GCNT2: variants seen among roughly 807,000 people sequenced by gnomAD.
GCNT2 encodes the protein N-acetyllactosaminide beta-1,6-N-acetylglucosaminyl-transferase.
A neutral mutation model predicts 34.2 loss-of-function variants in GCNT2; 34 were observed. The ratio of observed to expected loss-of-function variants is 1.00; its 90% CI spans 0.76 to 1.32. GCNT2 has a LOEUF of 1.32. Among genes scored for constraint, GCNT2 ranks in the 40% most tolerant of loss-of-function variants. GCNT2 has a pLI of 0.00. For missense variants in GCNT2, 584 were observed against 489.4 expected, an observed-to-expected ratio of 1.19 and a Z score of -1.82; for synonymous variants, 212 against 188.0, an observed-to-expected ratio of 1.13 and a Z score of -1.04.
At chr6:10,598,091 A>G (rs1764936003) in intron 3 of GCNT2, among the ~76,000 whole-genome samples, 1 of 152,112 alleles carries the variant, frequency 6.6e-6, no homozygotes, top group South Asian at 2.1e-4. Context: ...AAAATGAGGA[A>G]ATTGGGCTAG....
chr6:10,525,625 A>T lies in GCNT2; in HGVS notation c.-468-1849A>T, dbSNP rs1418369446. Among the ~76,000 whole-genome samples, 11 of 152,304 alleles carry T rather than the reference A, an allele frequency of 7.2e-5. No individual in the cohort carries two copies. The East Asian group carries it at 2.1e-3, about 29-fold the overall frequency. Reference sequence around the variant, plus strand: ...GCTGGCACTGGGTTGATGAAAAAGGAAATAGGTTCATATTAATTCTTTTTT... The same window carrying T: ...GCTGGCACTGGGTTGATGAAAAAGGTAATAGGTTCATATTAATTCTTTTTT... On this transcript the variant is annotated intron_variant, in intron 1 of 4. Transcript: ENST00000495262.
At chr6:10,537,802 T>C (rs183803982) in intron 3 of GCNT2, among the ~76,000 whole-genome samples, 158 of 151,464 alleles carry the variant, frequency 1.0e-3, no homozygotes, top group African/African-American at 3.5e-3. Context: ...CTAGCCTCCC[T>C]TAAACATGCT....
At chr6:10,605,687 A>T (rs1765277249) in intron 3 of GCNT2, among the ~76,000 whole-genome samples, 1 of 152,128 alleles carries the variant, frequency 6.6e-6, no homozygotes, top group Admixed American at 6.5e-5. Flanking sequence ...CAGGGATAAA[A>T]ACCGAAGAAT....
chr6:10,557,462 C>T (rs1360226239), intron 3 of GCNT2: 1 of 771,324 alleles, frequency 1.3e-6, no homozygotes, highest in Admixed American at 2.2e-5. Context: ...ATAGTTCTCA[C>T]CCTAGTCCTT....
chr6:10,549,056 G>A (rs948753072), intron 3 of GCNT2, among the ~76,000 whole-genome samples: 4 of 152,238 alleles, frequency 2.6e-5, no homozygotes, highest in South Asian at 2.1e-4. Context: ...CGCGCCCAGC[G>A]TGAAGACATT....
In GCNT2 at chr6:10,626,553, CG is replaced by C; in HGVS notation, c.1156del (p.Glu386LysfsTer25). The C allele has an allele frequency of 1.2e-6, 2 of 1,613,776 alleles. No individual in the cohort carries two copies. The highest frequency in any genetic ancestry group is 1.7e-6 in the Non-Finnish European group (2 of 1,179,712). ...TVECLELRHR[E>X]RTLNQSETAI... ...TGGAATGCCTAGAACTGAGGCATCGCGAAAGAACCCTCAATCAGAGTGAAAC... is the reference window on the plus strand; with the variant it reads ...TGGAATGCCTAGAACTGAGGCATCGCAAAGAACCCTCAATCAGAGTGAAAC... On this transcript the variant is annotated frameshift_variant, in exon 5 of 5. Transcript: ENST00000495262. LOFTEE classifies it high-confidence loss of function.
chr6:10,594,992 T>A (rs1764791325), intron 3 of GCNT2, among the ~76,000 whole-genome samples: 1 of 151,880 alleles, frequency 6.6e-6, no homozygotes, highest in African/African-American at 2.4e-5. Context: ...ACTATAAGCC[T>A]GCCTCACCAT....
intron 3 of GCNT2, chr6:10,586,477 G>T (rs770073300): frequency 6.2e-7 from 1 of 1,614,136 alleles, no homozygotes; most frequent in South Asian, 1.1e-5. Flanking sequence ...GTTTATGCAG[G>T]CATTTCCAGA....
intron 3 of GCNT2, among the ~76,000 whole-genome samples, chr6:10,562,243 C>A (rs1245026593): frequency 1.3e-5 from 2 of 152,144 alleles, no homozygotes; most frequent in Admixed American, 1.3e-4. Flanking sequence ...CGAGATGGTC[C>A]CCCTATCTCT....
intron 3 of GCNT2, among the ~76,000 whole-genome samples, chr6:10,546,215 C>G (rs944827024): frequency 2.0e-5 from 3 of 152,174 alleles, no homozygotes; most frequent in Non-Finnish European, 4.4e-5. Context: ...CCAGATACCT[C>G]TGGCTGAGAG....
intron 3 of GCNT2, among the ~76,000 whole-genome samples, chr6:10,599,751 T>C (rs1765019416): frequency 6.6e-6 from 1 of 152,204 alleles, no homozygotes; most frequent in African/African-American, 2.4e-5. Flanking sequence ...GCTAATCTCA[T>C]GGTGGCAAAG....
At chr6:10,570,957 C>G (rs1174471328) in intron 3 of GCNT2, among the ~76,000 whole-genome samples, 2 of 152,208 alleles carry the variant, frequency 1.3e-5, no homozygotes, top group African/African-American at 4.8e-5. Context: ...GGTACTCAGT[C>G]TAAACCAAGC....
rs1761692824 is a variant in GCNT2 at position 10,535,010 on chromosome 6, C to G, written c.925+5174C>G. On this transcript the variant is annotated intron_variant, in intron 3 of 4. Transcript: ENST00000495262. ...GCTAGCCTGGCCAACATGATGAAACCCCGTTTCTACTAAAAATGCAAAAAT... is the reference window on the plus strand; with the variant it reads ...GCTAGCCTGGCCAACATGATGAAACGCCGTTTCTACTAAAAATGCAAAAAT... Among the ~76,000 whole-genome samples the G allele has an allele frequency of 3.3e-5, 5 of 152,200 alleles. No homozygotes were observed. The South Asian group carries it at 1.0e-3, about 32-fold the overall frequency.
intron 3 of GCNT2, among the ~76,000 whole-genome samples, chr6:10,561,531 G>A (rs1170108993): frequency 6.6e-6 from 1 of 152,096 alleles, no homozygotes; most frequent in Admixed American, 6.6e-5. Context: ...TTTGCTTTAC[G>A]CTTTGTGAAA....
rs1401294369 is a variant in GCNT2, at chr6:10,523,990, A to AC, written c.-469+2573_-469+2574insC. Among the ~76,000 whole-genome samples, 120 of 150,788 alleles carry AC rather than the reference A, an allele frequency of 8.0e-4. 2 individuals carry two copies. The highest frequency in any genetic ancestry group is 3.1e-3 in the East Asian group (16 of 5,116). ...TCTGTCTCAAAAAAAAAAAAAAAAA[A>AC]AAACCAAGACTAAGAGGTGTGGTGA... On this transcript the variant is annotated intron_variant, in intron 1 of 4. Coordinates refer to ENST00000495262, the MANE Select transcript of GCNT2 (RefSeq NM_145649.5).
intron 3 of GCNT2, among the ~76,000 whole-genome samples, chr6:10,584,280 T>C (rs535041746): frequency 5.5e-4 from 84 of 152,288 alleles, no homozygotes; most frequent in African/African-American, 1.9e-3. Context: ...GTAGGCTAGA[T>C]TTATATTTAA....
intron 3 of GCNT2, among the ~76,000 whole-genome samples, chr6:10,603,261 T>C (rs1007848021): frequency 6.6e-6 from 1 of 152,338 alleles, no homozygotes; most frequent in East Asian, 1.9e-4. Flanking sequence ...TTGTTTTCAA[T>C]CTATGTTCAA....
intron 3 of GCNT2, among the ~76,000 whole-genome samples, chr6:10,561,751 G>A (rs931399362): frequency 6.6e-6 from 1 of 151,520 alleles, no homozygotes; most frequent in African/African-American, 2.4e-5. Context: ...CTCATGCCAT[G>A]ATATTTTTCT....
intron 3 of GCNT2, among the ~76,000 whole-genome samples, chr6:10,542,890 ATTCTT>A (rs1264556511): frequency 9.3e-5 from 10 of 107,526 alleles, no homozygotes; most frequent in African/African-American, 4.1e-4. Context: ...CCCTATGTTA[ATTCTT>A]TTTTTTTTTT....
Sources: allele counts gnomAD v4.1 joint callset (sites outside exome capture counted in the v4.1 genomes callset), GRCh38; gene constraint gnomAD v4.1.1; transcripts MANE v1.5; gene names NCBI Gene and HGNC (gene_info 2026-07-23, HGNC 2026-07-21).